Variants in MED12L observed in about 807,000 individuals in gnomAD.
The protein encoded by MED12L is mediator of RNA polymerase II transcription subunit 12-like protein.
MED12L carries 60 observed loss-of-function variants against 281.3 expected under a neutral mutation model. The observed-to-expected ratio is 0.21, with a 90% confidence interval of 0.17 to 0.26. The LOEUF is 0.26. Ranked by LOEUF, MED12L falls within the 10% of genes least tolerant of loss-of-function variation. The pLI is 1.00. For synonymous variants in MED12L, 974 were observed against 987.2 expected (o/e 0.99, Z 0.25); for missense variants, 2,146 against 2,680.9 (o/e 0.80, Z 4.41).
intron 39 of MED12L, among the ~76,000 whole-genome samples, chr3:151,403,295 A>G (rs1045391331): frequency 4.6e-5 from 7 of 152,144 alleles, no homozygotes; most frequent in Non-Finnish European, 1.0e-4. Context: ...TGGGCTTGGG[A>G]ACATAGACCA....
chr3:151,163,923 G>A lies in MED12L; in HGVS notation c.1138G>A (p.Val380Met). Residue 380 changes from valine (V) to methionine (M), a missense_variant, in exon 9 of 45, where the codon GTG becomes ATG. Physicochemically the swap from Val to Met is conservative, Grantham distance 21. Around this residue, in one of 9 missense-constraint regions of MED12L, gnomAD observed 722 missense variants for 861.2 expected, o/e 0.84. Transcript: ENST00000687756. ...CACTCTCTGTTGCCCAAGTGCCTTG[G>A]TGTGGAATTATTCCACAAATGAAAA... ...TVTLCCPSALVWNYSTNENKS... is the reference protein window; with the variant it reads ...TVTLCCPSALMWNYSTNENKS... The A allele has an allele frequency of 6.2e-7, 1 of 1,613,236 alleles. No individual in the cohort carries two copies. Among genetic ancestry groups the A allele is most frequent in the Non-Finnish European group, 8.5e-7 (1 of 1,179,560 alleles).
rs1322259604 is a variant in MED12L, at chr3:151,139,919, TAGCTA to T, written c.556+11939_556+11943del. ...GAGGAGCTTTCATATAAACAAAAGT[TAGCTA>T]AGCCTAATCGCAGTCCCAAATTATT... is the stretch of plus-strand genomic sequence containing the variant. On this transcript the variant is annotated intron_variant, in intron 5 of 44. Coordinates refer to ENST00000687756, the MANE Select transcript of MED12L (RefSeq NM_001393769.1). Among the ~76,000 whole-genome samples, 5 of 152,356 alleles carry T rather than the reference TAGCTA, an allele frequency of 3.3e-5. No individual in the cohort carries two copies. The East Asian group carries it at 7.7e-4, about 23-fold the overall frequency.
intron 39 of MED12L, among the ~76,000 whole-genome samples, chr3:151,405,152 T>G (rs1211892303): frequency 6.6e-6 from 1 of 152,234 alleles, no homozygotes. Flanking sequence ...CAGCACAGCT[T>G]CTTTAGAAGT....
At chr3:151,303,191 G>C (rs1376715083) in intron 16 of MED12L, among the ~76,000 whole-genome samples, 1 of 152,192 alleles carries the variant, frequency 6.6e-6, no homozygotes, top group Non-Finnish European at 1.5e-5. Flanking sequence ...TTAGAAGATT[G>C]TTGGAGGCCT....
intron 5 of MED12L, among the ~76,000 whole-genome samples, chr3:151,134,971 C>T (rs1431101568): frequency 6.6e-6 from 1 of 152,082 alleles, no homozygotes; most frequent in African/African-American, 2.4e-5. Context: ...ATTGTTATGA[C>T]TCTTTCCCTC....
At position 151,406,189 on chromosome 3, in the gene MED12L, G is replaced by A. The variant is rs1336091098; in HGVS notation, c.5821-3054G>A. On this transcript the variant is annotated intron_variant, in intron 39 of 44. Coordinates refer to ENST00000687756, the MANE Select transcript of MED12L (RefSeq NM_001393769.1). ...CTTGGTTTAATGTGGCCAAACCCAT[G>A]CCTACCAACATTTAAAAGTTTTTTT... Among the ~76,000 whole-genome samples the A allele has an allele frequency of 2.6e-5, 4 of 152,148 alleles. No homozygotes were observed. The East Asian group carries it at 7.7e-4, about 29-fold the overall frequency.
intron 34 of MED12L, 93 bp from the exon 35 acceptor site, chr3:151,383,990 T>A: frequency 6.7e-7 from 1 of 1,487,942 alleles, no homozygotes; most frequent in African/African-American, 1.4e-5. Flanking sequence ...ACTTGGATGC[T>A]ATTAAAAATT....
chr3:151,152,907 A>G (rs1718747055), intron 5 of MED12L, among the ~76,000 whole-genome samples: 1 of 152,022 alleles, frequency 6.6e-6, no homozygotes. Context: ...TGTGCTCTGT[A>G]TTTGCCTCCA....
At position 151,256,991 on chromosome 3, in the gene MED12L, G is replaced by A. The variant is rs1737944690; in HGVS notation, c.2250+63325G>A. 1.3e-5 allele frequency among the ~76,000 whole-genome samples: 2 copies of A among 151,942 alleles called. 1 individual carries two copies. Among genetic ancestry groups the A allele is most frequent in the South Asian group, 4.2e-4 (2 of 4,808 alleles). The stretch of plus-strand genomic sequence containing the variant: ...AGTATGTATGATTTGCCAGGAGTTA[G>A]GATACTTAACCCTGTATTAGAAGCA... On this transcript the variant is annotated intron_variant, in intron 16 of 44. Transcript: ENST00000687756.
chr3:151,143,200 T>C (rs1274197116), intron 5 of MED12L, among the ~76,000 whole-genome samples: 1 of 152,194 alleles, frequency 6.6e-6, no homozygotes, highest in Non-Finnish European at 1.5e-5. Flanking sequence ...AGCTTTTTGC[T>C]CTAGGGTTAT....
chr3:151,139,009 C>G (rs1002526465), intron 5 of MED12L, among the ~76,000 whole-genome samples: 1 of 152,120 alleles, frequency 6.6e-6, no homozygotes, highest in Non-Finnish European at 1.5e-5. Flanking sequence ...ACCTGCCTAC[C>G]TACCTACTAT....
intron 16 of MED12L, chr3:151,327,358 G>A (rs576934255): frequency 6.6e-6 from 1 of 152,286 alleles, no homozygotes; most frequent in Admixed American, 6.5e-5. Context: ...CACACTTAAG[G>A]TGTAAGCAAA....
intron 5 of MED12L, among the ~76,000 whole-genome samples, chr3:151,153,478 T>C (rs773861710): frequency 2.8e-4 from 42 of 152,096 alleles, no homozygotes; most frequent in Non-Finnish European, 5.3e-4. Context: ...GCTTGCATAG[T>C]CACTTTCTTT....
chr3:151,148,032 T>G (rs1717968856), intron 5 of MED12L, among the ~76,000 whole-genome samples: 1 of 152,254 alleles, frequency 6.6e-6, no homozygotes, highest in Non-Finnish European at 1.5e-5. Context: ...TGTCAATACT[T>G]GTTATTATCA....
chr3:151,392,132 A>G (rs1364882453), intron 38 of MED12L, among the ~76,000 whole-genome samples: 1 of 152,200 alleles, frequency 6.6e-6, no homozygotes, highest in Non-Finnish European at 1.5e-5. Flanking sequence ...AAAGCTTTTT[A>G]TAAACTGAGG....
chr3:151,343,638 G>GT (rs1236553692), intron 16 of MED12L, among the ~76,000 whole-genome samples: 1 of 152,166 alleles, frequency 6.6e-6, no homozygotes, highest in African/African-American at 2.4e-5. Context: ...AACACATACA[G>GT]TTTGTAGTTA....
intron 12 of MED12L, among the ~76,000 whole-genome samples, chr3:151,185,844 A>C (rs902789626): frequency 4.6e-5 from 7 of 152,164 alleles, no homozygotes; most frequent in Non-Finnish European, 1.0e-4. Flanking sequence ...TCTGTCTCTA[A>C]AAAAGTAAAT....
Position 151,294,494 on chromosome 3 carries a change from TTA to T in MED12L, c.2251-55563_2251-55562del, listed in dbSNP as rs949563645. The T allele has an allele frequency of 1.9e-6, 3 of 1,614,092 alleles. No homozygotes were observed. In the African/African-American group the frequency reaches 4.0e-5, roughly 22 times the overall value. On this transcript the variant is annotated intron_variant, in intron 16 of 44. Coordinates refer to ENST00000687756, the MANE Select transcript of MED12L (RefSeq NM_001393769.1). Reference sequence around the variant, plus strand: ...AGCCACAACAACCCTGATGCTCTGGTTATGTTTTCGCTTTCGGCTTGACTGAC... The same window carrying T: ...AGCCACAACAACCCTGATGCTCTGGTTGTTTTCGCTTTCGGCTTGACTGAC...
At chr3:151,428,787 T>C (rs1361144005) in intron 43 of MED12L, among the ~76,000 whole-genome samples, 1 of 152,178 alleles carries the variant, frequency 6.6e-6, no homozygotes, top group South Asian at 2.1e-4. Flanking sequence ...GAATAACACT[T>C]TAGTGTATAT....
Sources: allele counts gnomAD v4.1 joint callset (sites outside exome capture counted in the v4.1 genomes callset), GRCh38; gene constraint gnomAD v4.1.1; regional missense constraint gnomAD v4.1.1; transcripts MANE v1.5; gene names NCBI Gene and HGNC (gene_info 2026-07-23, HGNC 2026-07-21).